The following PALS1 variants were observed in gnomAD, a reference collection of about 807,000 sequenced individuals.
PALS1 encodes the protein protein associated with LIN7 1, MAGUK p55 family member.
In PALS1, 31 loss-of-function variants were observed where a neutral mutation model predicts 78.9. That is an observed-to-expected ratio of 0.39 (90% confidence interval 0.30 to 0.53). The LOEUF (loss-of-function observed/expected upper bound fraction) is 0.53. Among genes scored for constraint, PALS1 ranks in the 20% least tolerant of loss-of-function variants. The probability of loss-of-function intolerance (pLI) is 0.67; values close to 1 mark genes in which losing one functional copy is unlikely to be tolerated. For synonymous variants in PALS1, 276 were observed against 270.9 expected (o/e 1.02, Z -0.18); for missense variants, 704 against 826.5 (o/e 0.85, Z 1.82).
At chr14:67,331,234 G>A (rs1254938660) in intron 14 of PALS1, among the ~76,000 whole-genome samples, 3 of 152,008 alleles carry the variant, frequency 2.0e-5, no homozygotes, top group Non-Finnish European at 2.9e-5. Context: ...TAATAGAGAC[G>A]GGGTTTTGCC....
chr14:67,280,660 G>A (rs1310876029), intron 3 of PALS1, among the ~76,000 whole-genome samples: 1 of 152,132 alleles, frequency 6.6e-6, no homozygotes, highest in Non-Finnish European at 1.5e-5. Context: ...CCGGTATCCA[G>A]CCTGCGTTTC....
At chr14:67,330,148 AATAATAATT>A (rs375927291) in intron 14 of PALS1, among the ~76,000 whole-genome samples, 4,398 of 148,554 alleles carry the variant, frequency 0.03, 88 homozygotes, top group Non-Finnish European at 0.036. Context: ...AAATAATAAT[AATAATAATT>A]ATTATTATTA....
intron 1 of PALS1, among the ~76,000 whole-genome samples, chr14:67,262,313 A>G (rs574592220): frequency 3.9e-5 from 6 of 152,264 alleles, no homozygotes; most frequent in African/African-American, 1.4e-4. Flanking sequence ...TATAAATGCA[A>G]TAATTAAAAA....
chr14:67,246,326 G>A (rs1238500167), intron 1 of PALS1, among the ~76,000 whole-genome samples: 1 of 151,322 alleles, frequency 6.6e-6, no homozygotes, highest in South Asian at 2.1e-4. Flanking sequence ...TAAGGTCTTG[G>A]CTATGTTGCC....
chr14:67,302,460 A>C lies in PALS1; in HGVS notation c.852A>C (p.Val284=), dbSNP rs10146663. 118,535 of 1,597,922 alleles carry C rather than the reference A, an allele frequency of 0.074. 13,629 individuals are homozygous for C. The highest frequency in any genetic ancestry group is 0.41 in the East Asian group (17,845 of 43,862). ...ACTCTGTCATCATTAGCCGGATAGT[A>C]AAAGGGGGTGCTGCAGAGAAAAGTG... ...EMDSVIISRI[V]KGGAAEKSGL... is the part of the protein sequence containing the mutation. Residue 284 remains valine, a synonymous_variant, in exon 7 of 15, where the codon GTA becomes GTC. Coordinates refer to ENST00000261681, the MANE Select transcript of PALS1 (RefSeq NM_022474.4).
chr14:67,263,242 A>G (rs1286295973), intron 1 of PALS1, among the ~76,000 whole-genome samples: 1 of 152,202 alleles, frequency 6.6e-6, no homozygotes, highest in Non-Finnish European at 1.5e-5. Context: ...TGTCTAATTG[A>G]AAAGAATCAT....
At chr14:67,254,183 T>C in intron 1 of PALS1, 1 of 87,788 alleles carries the variant, frequency 1.1e-5, no homozygotes, top group African/African-American at 7.0e-5. Flanking sequence ...AGTGTCTTTC[T>C]TTTTTTTTTT....
intron 2 of PALS1, among the ~76,000 whole-genome samples, chr14:67,272,460 ATG>A (rs1274568278): frequency 3.9e-5 from 6 of 152,200 alleles, no homozygotes; most frequent in African/African-American, 1.4e-4. Flanking sequence ...AGTGAATACT[ATG>A]TGAACTGCTT....
intron 7 of PALS1, 34 bp downstream of exon 7, chr14:67,302,605 C>T (rs1025956377): frequency 2.1e-6 from 3 of 1,398,268 alleles, no homozygotes; most frequent in African/African-American, 1.5e-5. Flanking sequence ...TAATTGATAG[C>T]TTTTAGAAAG....
intron 1 of PALS1, among the ~76,000 whole-genome samples, chr14:67,263,665 C>T (rs1335259426): frequency 4.6e-5 from 7 of 152,116 alleles, no homozygotes; most frequent in Non-Finnish European, 2.9e-5. Flanking sequence ...TTTCTGACCT[C>T]GAAAAACAAC....
chr14:67,268,697 G>C (rs1413639050), intron 1 of PALS1, among the ~76,000 whole-genome samples: 1 of 152,172 alleles, frequency 6.6e-6, no homozygotes, highest in Non-Finnish European at 1.5e-5. Flanking sequence ...AGTGAGCAGT[G>C]AGCACAACCA....
chr14:67,323,857 G>C, intron 14 of PALS1, 45 bp downstream of exon 14: 1 of 990,262 alleles, frequency 1.0e-6, no homozygotes, highest in Non-Finnish European at 1.5e-6. Flanking sequence ...AGGTAAACAT[G>C]AAACAGTCCT....
At chr14:67,300,917 C>T (rs2084923628) in intron 4 of PALS1, among the ~76,000 whole-genome samples, 1 of 152,036 alleles carries the variant, frequency 6.6e-6, no homozygotes, top group African/African-American at 2.4e-5. Flanking sequence ...GTCTCAAACT[C>T]CTGGGCTTAA....
chr14:67,254,031 C>CA (rs956936111), intron 1 of PALS1, among the ~76,000 whole-genome samples: 2 of 141,670 alleles, frequency 1.4e-5, no homozygotes, highest in Admixed American at 1.4e-4. Flanking sequence ...TTCATCCCCC[C>CA]CCCCTTACAA....
chr14:67,321,798 T>C (rs1447878736), intron 13 of PALS1, among the ~76,000 whole-genome samples: 1 of 152,208 alleles, frequency 6.6e-6, no homozygotes, highest in Non-Finnish European at 1.5e-5. Context: ...TTAGAGATGT[T>C]CTGCTTGTAT....
chr14:67,324,973 C>T (rs2085328816), intron 14 of PALS1, among the ~76,000 whole-genome samples: 2 of 137,926 alleles, frequency 1.5e-5, no homozygotes, highest in African/African-American at 5.7e-5. Context: ...AGCGCAATCT[C>T]GGCTGACTGC....
chr14:67,279,082 TAACA>T lies in PALS1; in HGVS notation c.-88_-85del. Reference sequence around the variant, plus strand: ...ATGTGAGAAGTTTTTTTTTTTGAAGTAACATGGATTTTATACTACAGAATCAAGA... The same window carrying T: ...ATGTGAGAAGTTTTTTTTTTTGAAGTTGGATTTTATACTACAGAATCAAGA... On this transcript the variant is annotated 5_prime_UTR_variant, in exon 3 of 15. It removes an upstream start codon present in the reference 5' UTR. Coordinates refer to ENST00000261681, the MANE Select transcript of PALS1 (RefSeq NM_022474.4). 1.6e-6 allele frequency: 2 copies of T among 1,243,930 alleles called. No individual in the cohort carries two copies. The highest frequency in any genetic ancestry group is 1.5e-5 in the African/African-American group (1 of 65,248). The allele number at this position is 1,243,930 out of a possible 1,614,324, so 77.1% of individuals were successfully genotyped here. A position where few individuals can be genotyped will look rare whatever the true frequency, so the allele number is the denominator to read the frequency against.
intron 4 of PALS1, 52 bp downstream of exon 4, chr14:67,292,771 G>A: frequency 1.4e-6 from 2 of 1,392,366 alleles, no homozygotes; most frequent in African/African-American, 1.4e-5. Flanking sequence ...AGTAGTGGCA[G>A]GAAGGCAGGA....
At position 67,333,810 on chromosome 14, in the gene PALS1, T is replaced by G. The variant is rs779719077; in HGVS notation, c.*854T>G. The G allele has an allele frequency of 6.9e-6, 1 of 144,400 alleles. No homozygotes were observed. The highest frequency in any genetic ancestry group is 1.5e-5 in the Non-Finnish European group (1 of 67,942). 8.9% of individuals were successfully genotyped at this position (144,400 alleles called of 1,614,324 possible). On this transcript the variant is annotated 3_prime_UTR_variant, in exon 15 of 15. Coordinates refer to ENST00000261681, the MANE Select transcript of PALS1 (RefSeq NM_022474.4). ...TGGCAGGTGTTCATTATAATCTGTA[T>G]TGACTTAAAAAGTTTCTTCCTCATG...
Sources: allele counts gnomAD v4.1 joint callset (sites outside exome capture counted in the v4.1 genomes callset), GRCh38; gene constraint gnomAD v4.1.1; transcripts MANE v1.5; gene names NCBI Gene and HGNC (gene_info 2026-07-23, HGNC 2026-07-21).